NXPH3: variants seen among roughly 807,000 people sequenced by gnomAD.
NXPH3 encodes neurexophilin-3.
NXPH3 carries 7 observed loss-of-function variants against 18.8 expected under a neutral mutation model. The observed-to-expected ratio is 0.37, with a 90% CI of 0.21 to 0.70. The LOEUF is 0.70. Among genes scored for constraint, NXPH3 ranks in the 30% least tolerant of loss-of-function variants. The pLI, the probability that NXPH3 is intolerant of heterozygous loss-of-function variation, is 0.53. For synonymous variants in NXPH3, 101 were observed against 137.3 expected, an observed-to-expected ratio of 0.74 and a Z score of 1.85; for missense variants, 282 against 338.1, an observed-to-expected ratio of 0.83 and a Z score of 1.30.
chr17:49,581,768 C>T lies in NXPH3; in HGVS notation c.*2468C>T. On this transcript the variant is annotated 3_prime_UTR_variant, in exon 2 of 2. Coordinates refer to ENST00000328741, the MANE Select transcript of NXPH3 (RefSeq NM_007225.4). The stretch of plus-strand genomic sequence containing the variant: ...GGGCCAGAGGCCCTGGGCGCCCTCC[C>T]CACCTCCCCTGGCTGAACTCTCAGC... 1.4e-6 allele frequency: 1 copy of T among 702,056 alleles called. No homozygotes were observed. Among genetic ancestry groups the T allele is most frequent in the Non-Finnish European group, 2.6e-6 (1 of 384,736 alleles). 43.5% of individuals were successfully genotyped at this position (702,056 alleles called of 1,614,324 possible).
In NXPH3 at chr17:49,579,108, G is replaced by T. The variant is rs993616793; in HGVS notation, c.567G>T (p.Ser189=). 1 of 1,614,016 alleles carries T rather than the reference G, an allele frequency of 6.2e-7. No homozygotes were observed. The highest frequency in any genetic ancestry group is 1.7e-5 in the Admixed American group (1 of 60,022). ...WEKVERGRRT[S]LCTHDPAKIC... is the part of the protein sequence containing the mutation. ...AGGTAGAACGGGGCCGCCGGACCTC[G>T]CTTTGCACCCACGACCCAGCCAAGA... Residue 189 remains serine, a synonymous_variant, in exon 2 of 2, where the codon TCG becomes TCT. Transcript: ENST00000328741. This position sits in a 1 kb window ranked among gnomAD's most constrained non-coding sequence, Gnocchi z 6.0.
Position 49,578,972 on chromosome 17 carries a change from T to A in NXPH3, c.431T>A (p.Ile144Asn). 1 of 1,613,798 alleles carries A rather than the reference T, an allele frequency of 6.2e-7. No individual in the cohort carries two copies. The highest frequency in any genetic ancestry group is 8.5e-7 in the Non-Finnish European group (1 of 1,179,942). The change falls in exon 2 of 2, where the codon ATC (isoleucine) becomes AAC (asparagine). Residue 144 changes from isoleucine (I) to asparagine (N), a missense_variant. Transcript: ENST00000328741. The surrounding 1 kb of genome is among the most constrained non-coding windows in gnomAD (Gnocchi z 4.5). ...FQHNATGQGN[I>N]SISLVPPSKA... ...CACAATGCCACAGGCCAGGGAAACA[T>A]CTCCATCAGCCTCGTGCCCCCCAGT...
Position 49,579,485 on chromosome 17 carries a change from C to T in NXPH3, c.*185C>T, listed in dbSNP as rs913551130. On this transcript the variant is annotated 3_prime_UTR_variant, in exon 2 of 2. Transcript: ENST00000328741. This position sits in a 1 kb window ranked among gnomAD's most constrained non-coding sequence, Gnocchi z 6.0. ...CAGAGAAAGGGTCCCAAGTGCTGGT[C>T]CCAACCTGAAGCTGTGGAGTGACTA... 28 of 606,014 alleles carry T rather than the reference C, an allele frequency of 4.6e-5. No individual in the cohort carries two copies. The highest frequency in any genetic ancestry group is 8.1e-5 in the Non-Finnish European group (28 of 344,094). 37.5% of individuals were successfully genotyped at this position (606,014 alleles called of 1,614,324 possible).
At chr17:49,577,271 C>A (rs2071576230) in intron 1 of NXPH3, among the ~76,000 whole-genome samples, 1 of 152,140 alleles carries the variant, frequency 6.6e-6, no homozygotes, top group Non-Finnish European at 1.5e-5. Context: ...GAGACAGACT[C>A]GGCCACAGCA....
Position 49,582,095 on chromosome 17 carries a change from G to T in NXPH3, c.*2795G>T, listed in dbSNP as rs755137737. On this transcript the variant is annotated 3_prime_UTR_variant, in exon 2 of 2. Transcript: ENST00000328741. ...GTTCTTGCCAGATACTTCTGTGCCC[G>T]CTTGGTCCTCACAAGGGCAAGGGGT... 1.5e-5 allele frequency: 8 copies of T among 546,408 alleles called. No individual in the cohort carries two copies. The highest frequency in any genetic ancestry group is 2.2e-5 in the Non-Finnish European group (7 of 312,864). 33.8% of individuals were successfully genotyped at this position (546,408 alleles called of 1,614,324 possible). A position where few individuals can be genotyped will look rare whatever the true frequency, so the allele number is the denominator to read the frequency against.
Position 49,582,826 on chromosome 17 carries a change from A to C in NXPH3, c.*3526A>C, listed in dbSNP as rs2071607403. ...GGGTGAATCTCCTAGCACTCTGTGA[A>C]GCTAATAAGGGGGATTACCCGTTAG... On this transcript the variant is annotated 3_prime_UTR_variant, in exon 2 of 2. Transcript: ENST00000328741. 3 of 152,198 alleles carry C rather than the reference A, an allele frequency of 2.0e-5. No individual in the cohort carries two copies. 9.4% of individuals were successfully genotyped at this position (152,198 alleles called of 1,614,324 possible). A position where few individuals can be genotyped will look rare whatever the true frequency, so the allele number is the denominator to read the frequency against.
At position 49,575,883 on chromosome 17, in the gene NXPH3, C is replaced by A; in HGVS notation, c.-337C>A. On this transcript the variant is annotated 5_prime_UTR_variant, in exon 1 of 2. Transcript: ENST00000328741. The surrounding 1 kb of genome is among the most constrained non-coding windows in gnomAD (Gnocchi z 4.3). ...CGCGCAGGTCCCCAGCACATCTGGG[C>A]GAGAGCGGCGCCGCTGGAGCCGAGG... The A allele has an allele frequency of 3.7e-6, 1 of 269,402 alleles. No individual in the cohort carries two copies. The highest frequency in any genetic ancestry group is 6.9e-6 in the Non-Finnish European group (1 of 145,138). The allele number at this position is 269,402 out of a possible 1,614,324, so 16.7% of individuals were successfully genotyped here.
In NXPH3 at chr17:49,578,397, G is replaced by T. The variant is rs930894676; in HGVS notation, c.55-199G>T. ...CAAGACAGTGAGGAAAGGACAATGG[G>T]GGGGGGGGTGACCCAACTGTCAGAA... On this transcript the variant is annotated intron_variant, in intron 1 of 1. Coordinates refer to ENST00000328741, the MANE Select transcript of NXPH3 (RefSeq NM_007225.4). This position sits in a 1 kb window ranked among gnomAD's most constrained non-coding sequence, Gnocchi z 4.5. Among the ~76,000 whole-genome samples, 1 of 150,054 alleles carries T rather than the reference G, an allele frequency of 6.7e-6. No homozygotes were observed. Among genetic ancestry groups the T allele is most frequent in the East Asian group, 1.9e-4 (1 of 5,156 alleles).
rs955471793 is a variant in NXPH3 at position 49,581,468 on chromosome 17, C to T, written c.*2168C>T. On this transcript the variant is annotated 3_prime_UTR_variant, in exon 2 of 2. Coordinates refer to ENST00000328741, the MANE Select transcript of NXPH3 (RefSeq NM_007225.4). ...CTCCGCGCAAACTGGTCCCCTCATACTGCAGCGCAGAGTTGGGTGGGGCTG... is the reference window on the plus strand; with the variant it reads ...CTCCGCGCAAACTGGTCCCCTCATATTGCAGCGCAGAGTTGGGTGGGGCTG... 18 of 617,042 alleles carry T rather than the reference C, an allele frequency of 2.9e-5. No homozygotes were observed. In the Admixed American group the frequency reaches 2.9e-4, roughly 10 times the overall value. The allele number at this position is 617,042 out of a possible 1,614,324, so 38.2% of individuals were successfully genotyped here. A position where few individuals can be genotyped will look rare whatever the true frequency, so the allele number is the denominator to read the frequency against.
rs1268468153 is a variant in NXPH3, at chr17:49,581,971, C to T, written c.*2671C>T. The T allele has an allele frequency of 1.2e-5, 7 of 598,934 alleles. No individual in the cohort carries two copies. The highest frequency in any genetic ancestry group is 2.1e-5 in the Non-Finnish European group (7 of 335,664). The allele number at this position is 598,934 out of a possible 1,614,324, so 37.1% of individuals were successfully genotyped here. On this transcript the variant is annotated 3_prime_UTR_variant, in exon 2 of 2. Transcript: ENST00000328741. Reference sequence around the variant, plus strand: ...ACACTGCCGCCTCATCCCTCCTTTCCACCTTCCCCAGTAGCCTGGCTGCTC... The same window carrying T: ...ACACTGCCGCCTCATCCCTCCTTTCTACCTTCCCCAGTAGCCTGGCTGCTC...
rs2071589682 is a variant in NXPH3, at chr17:49,579,521, G to A, written c.*221G>A. The A allele has an allele frequency of 1.8e-6, 1 of 570,786 alleles. No homozygotes were observed. Among genetic ancestry groups the A allele is most frequent in the East Asian group, 2.9e-5 (1 of 34,950 alleles). The allele number at this position is 570,786 out of a possible 1,614,324, so 35.4% of individuals were successfully genotyped here. On this transcript the variant is annotated 3_prime_UTR_variant, in exon 2 of 2. Coordinates refer to ENST00000328741, the MANE Select transcript of NXPH3 (RefSeq NM_007225.4). This position sits in a 1 kb window ranked among gnomAD's most constrained non-coding sequence, Gnocchi z 6.0. ...GCTGTGGAGTGACTAGATCACAGGA[G>A]CACTGGAGGAGGAGTGGGCTCTCTG...
In NXPH3 at chr17:49,580,031, T is replaced by G. The variant is rs2071592013; in HGVS notation, c.*731T>G. ...CAGGACGATTGTGGTCCTCCCACAC[T>G]AAGGCCACAGCCCATCCGCGTGCTG... On this transcript the variant is annotated 3_prime_UTR_variant, in exon 2 of 2. Coordinates refer to ENST00000328741, the MANE Select transcript of NXPH3 (RefSeq NM_007225.4). 6.6e-6 allele frequency: 1 copy of G among 152,372 alleles called. No homozygotes were observed. The highest frequency in any genetic ancestry group is 1.5e-5 in the Non-Finnish European group (1 of 68,172). 9.4% of individuals were successfully genotyped at this position (152,372 alleles called of 1,614,324 possible).
Position 49,582,998 on chromosome 17 carries a change from C to T in NXPH3, c.*3698C>T. Reference sequence around the variant, plus strand: ...GAGTCACCCTGTTCCCCATCCTTGGCAGGAATGCTGGTGACCTTGCATTGT... The same window carrying T: ...GAGTCACCCTGTTCCCCATCCTTGGTAGGAATGCTGGTGACCTTGCATTGT... On this transcript the variant is annotated 3_prime_UTR_variant, in exon 2 of 2. Transcript: ENST00000328741. 6.6e-6 allele frequency: 1 copy of T among 152,336 alleles called. No homozygotes were observed. The highest frequency in any genetic ancestry group is 3.4e-3 in the Middle Eastern group (1 of 296). The allele number at this position is 152,336 out of a possible 1,614,324, so 9.4% of individuals were successfully genotyped here.
chr17:49,582,560 C>T lies in NXPH3; in HGVS notation c.*3260C>T, dbSNP rs575590562. The T allele has an allele frequency of 6.6e-6, 1 of 152,434 alleles. No homozygotes were observed. Among genetic ancestry groups the T allele is most frequent in the Admixed American group, 6.5e-5 (1 of 15,304 alleles). 9.4% of individuals were successfully genotyped at this position (152,434 alleles called of 1,614,324 possible). ...ACCTAGGGCCGGGGGCCATGCCTCCCTCATCAGACTGAGGACACCCTGATG... is the reference window on the plus strand; with the variant it reads ...ACCTAGGGCCGGGGGCCATGCCTCCTTCATCAGACTGAGGACACCCTGATG... On this transcript the variant is annotated 3_prime_UTR_variant, in exon 2 of 2. Coordinates refer to ENST00000328741, the MANE Select transcript of NXPH3 (RefSeq NM_007225.4).
rs2071599112 is a variant in NXPH3 at position 49,581,341 on chromosome 17, G to A, written c.*2041G>A. On this transcript the variant is annotated 3_prime_UTR_variant, in exon 2 of 2. Coordinates refer to ENST00000328741, the MANE Select transcript of NXPH3 (RefSeq NM_007225.4). ...ATTCTAAGTCGGCTCTCTTGGGAGGGCAGCACTCAGGGCCCTTTGGGCCCT... is the reference window on the plus strand; with the variant it reads ...ATTCTAAGTCGGCTCTCTTGGGAGGACAGCACTCAGGGCCCTTTGGGCCCT... 2.4e-5 allele frequency: 13 copies of A among 536,788 alleles called. No individual in the cohort carries two copies. The highest frequency in any genetic ancestry group is 1.8e-4 in the Admixed American group (5 of 27,572). The allele number at this position is 536,788 out of a possible 1,614,324, so 33.3% of individuals were successfully genotyped here.
Position 49,576,109 on chromosome 17 carries a change from C to T in NXPH3, c.-111C>T. On this transcript the variant is annotated 5_prime_UTR_variant, in exon 1 of 2. Coordinates refer to ENST00000328741, the MANE Select transcript of NXPH3 (RefSeq NM_007225.4). ...ACCCGCTGAGGGGAGGGCCGCGGGC[C>T]GCCGGGGACTGGAGCATGGGACGGC... The T allele has an allele frequency of 7.3e-7, 1 of 1,375,886 alleles. No individual in the cohort carries two copies. The highest frequency in any genetic ancestry group is 1.0e-6 in the Non-Finnish European group (1 of 996,542). 85.2% of individuals were successfully genotyped at this position (1,375,886 alleles called of 1,614,324 possible).
At chr17:49,577,160 G>C (rs1487893198) in intron 1 of NXPH3, among the ~76,000 whole-genome samples, 2 of 152,080 alleles carry the variant, frequency 1.3e-5, no homozygotes, top group African/African-American at 4.8e-5. Context: ...AGTACCTACA[G>C]GTCTGCAGCC....
In NXPH3 at chr17:49,578,634, G is replaced by T; in HGVS notation, c.93G>T (p.Glu31Asp). 1.9e-6 allele frequency: 3 copies of T among 1,589,944 alleles called. No homozygotes were observed. Among genetic ancestry groups the T allele is most frequent in the Non-Finnish European group, 2.6e-6 (3 of 1,168,874 alleles). ...CGQDDGPPGS[E>D]DPERDDHEGQ... ...AGGATGATGGTCCTCCCGGCTCAGA[G>T]GACCCTGAGCGTGATGACCACGAGG... is the stretch of plus-strand genomic sequence containing the variant. Residue 31 changes from glutamate to aspartate, a missense_variant, in exon 2 of 2, where the codon GAG becomes GAT. Coordinates refer to ENST00000328741, the MANE Select transcript of NXPH3 (RefSeq NM_007225.4). The surrounding 1 kb of genome is among the most constrained non-coding windows in gnomAD (Gnocchi z 4.5).
rs528897633 is a variant in NXPH3, at chr17:49,578,641, G to A, written c.100G>A (p.Glu34Lys). 130 of 1,598,816 alleles carry A rather than the reference G, an allele frequency of 8.1e-5. No homozygotes were observed. Among genetic ancestry groups the A allele is most frequent in the Middle Eastern group, 6.9e-4 (4 of 5,792 alleles). ...TGGTCCTCCCGGCTCAGAGGACCCT[G>A]AGCGTGATGACCACGAGGGCCAGCC... ...DDGPPGSEDPERDDHEGQPRP... is the reference protein window; with the variant it reads ...DDGPPGSEDPKRDDHEGQPRP... Residue 34 changes from glutamate (E) to lysine (K), a missense_variant, in exon 2 of 2, where the codon GAG (glutamate) becomes AAG (lysine). By Grantham distance (56) the Glu-to-Lys change is moderately conservative (BLOSUM62 1). Transcript: ENST00000328741. This position sits in a 1 kb window ranked among gnomAD's most constrained non-coding sequence, Gnocchi z 4.5.
Sources: allele counts gnomAD v4.1 joint callset (sites outside exome capture counted in the v4.1 genomes callset), GRCh38; gene constraint gnomAD v4.1.1; non-coding constraint Gnocchi (gnomAD v3.1); transcripts MANE v1.5; gene names NCBI Gene and HGNC (gene_info 2026-07-23, HGNC 2026-07-21).